The following CTDSPL variants were observed in gnomAD, a reference collection of about 807,000 sequenced individuals.
CTDSPL encodes CTD small phosphatase-like protein.
In CTDSPL, 8 loss-of-function variants were observed where a neutral mutation model predicts 30.5. The observed-to-expected ratio is 0.26, with a 90% CI of 0.15 to 0.47. The LOEUF is 0.47. Ranked by LOEUF, CTDSPL falls within the 20% of genes least tolerant of loss-of-function variation. CTDSPL has a pLI of 0.99. For synonymous variants in CTDSPL, 110 were observed against 137.9 expected, an observed-to-expected ratio of 0.80 and a Z score of 1.42; for missense variants, 248 against 366.1, an observed-to-expected ratio of 0.68 and a Z score of 2.63.
At chr3:37,948,808 C>CTTTTTTTTTTTTTTTTTTTTTTTT (rs71635858) in intron 2 of CTDSPL, among the ~76,000 whole-genome samples, 1 of 108,190 alleles carries the variant, frequency 9.2e-6, no homozygotes, top group African/African-American at 4.1e-5. Flanking sequence ...TTCCAGCTTT[C>CTTTTTTTTTTTTTTTTTTTTTTTT]TTTTTTTTTT....
Position 37,943,640 on chromosome 3 carries a change from A to G in CTDSPL, c.80-3417A>G, listed in dbSNP as rs940780419. On this transcript the variant is annotated intron_variant, in intron 1 of 7. Coordinates refer to ENST00000273179, the MANE Select transcript of CTDSPL (RefSeq NM_001008392.2). Reference sequence around the variant, plus strand: ...TATGGGGAGATGTATGCATTCAACTATCTTTAATATCCTAAAAGACCTTGT... The same window carrying G: ...TATGGGGAGATGTATGCATTCAACTGTCTTTAATATCCTAAAAGACCTTGT... 5.3e-5 allele frequency among the ~76,000 whole-genome samples: 8 copies of G among 150,348 alleles called. No individual in the cohort carries two copies. The East Asian group carries it at 1.6e-3, about 29-fold the overall frequency.
rs183385634 is a variant in CTDSPL, at chr3:37,908,335, G to A, written c.80-38722G>A. ...GGTATGGCAAATGCATGTTAAGCCT[G>A]TAAGAAGAGACTGCATACAGTATTT... On this transcript the variant is annotated intron_variant, in intron 1 of 7. Transcript: ENST00000273179. Among the ~76,000 whole-genome samples, 577 of 152,364 alleles carry A rather than the reference G, an allele frequency of 3.8e-3. 2 individuals are homozygous for A. Among genetic ancestry groups the A allele is most frequent in the African/African-American group, 0.012 (515 of 41,592 alleles).
intron 1 of CTDSPL, among the ~76,000 whole-genome samples, chr3:37,887,671 A>G (rs972772930): frequency 2.6e-5 from 4 of 152,250 alleles, no homozygotes; most frequent in African/African-American, 4.8e-5. Flanking sequence ...TAAGTGTTCA[A>G]TAAGGGCTTG....
chr3:37,911,295 A>T (rs1295969891), intron 1 of CTDSPL, among the ~76,000 whole-genome samples: 3 of 152,246 alleles, frequency 2.0e-5, no homozygotes, highest in Non-Finnish European at 2.9e-5. Flanking sequence ...TTAAGAGGAT[A>T]GTACTCTTCA....
At chr3:37,923,316 C>T (rs1370103657) in intron 1 of CTDSPL, among the ~76,000 whole-genome samples, 2 of 152,100 alleles carry the variant, frequency 1.3e-5, no homozygotes, top group Admixed American at 1.3e-4. Context: ...GAGAGAGGAG[C>T]CTTGAGCTCT....
chr3:37,927,707 A>ATATATATATATAT (rs1559636073), intron 1 of CTDSPL, among the ~76,000 whole-genome samples: 13 of 135,100 alleles, frequency 9.6e-5, no homozygotes, highest in African/African-American at 1.8e-4. Context: ...TATATATATA[A>ATATATATATATAT]AAAATGAAAT....
At position 37,862,928 on chromosome 3, in the gene CTDSPL, C is replaced by T. The variant is rs59344872; in HGVS notation, c.79+650C>T. ...GTGTTGTATACATCTACTGGGAGGG[C>T]GTGTGTGTGTGTAAATTGTATACAA... On this transcript the variant is annotated intron_variant, in intron 1 of 7. Transcript: ENST00000273179. The surrounding 1 kb of genome is among the most constrained non-coding windows in gnomAD (Gnocchi z 4.3). Among the ~76,000 whole-genome samples the T allele has an allele frequency of 8.1e-3, 1,227 of 151,996 alleles. 16 individuals are homozygous for T. Among genetic ancestry groups the T allele is most frequent in the African/African-American group, 0.027 (1,138 of 41,426 alleles).
intron 1 of CTDSPL, among the ~76,000 whole-genome samples, chr3:37,941,581 G>T (rs1698979274): frequency 6.7e-6 from 1 of 149,820 alleles, no homozygotes; most frequent in Admixed American, 6.7e-5. Context: ...GTAGAAACAG[G>T]GTTTCGCCAT....
intron 6 of CTDSPL, among the ~76,000 whole-genome samples, chr3:37,972,673 C>T (rs1699380693): frequency 6.6e-6 from 1 of 152,208 alleles, no homozygotes; most frequent in Admixed American, 6.5e-5. Context: ...GTTTAGTCTC[C>T]CCCTTCACAG....
intron 2 of CTDSPL, among the ~76,000 whole-genome samples, chr3:37,954,265 CT>C (rs1699143462): frequency 6.6e-6 from 1 of 152,184 alleles, no homozygotes; most frequent in African/African-American, 2.4e-5. Context: ...CATGAACTTC[CT>C]TCTATTAACA....
intron 1 of CTDSPL, among the ~76,000 whole-genome samples, chr3:37,941,779 A>G (rs1233842928): frequency 6.7e-6 from 1 of 150,364 alleles, no homozygotes; most frequent in African/African-American, 2.4e-5. Context: ...GGAAAATGGC[A>G]GCATGTTGTA....
chr3:37,890,749 G>T (rs906770391), intron 1 of CTDSPL, among the ~76,000 whole-genome samples: 4 of 152,140 alleles, frequency 2.6e-5, no homozygotes, highest in African/African-American at 2.4e-5. Flanking sequence ...CTCCCTGTCT[G>T]TTGGCAGGTA....
chr3:37,911,627 G>A (rs1331187558), intron 1 of CTDSPL: 1 of 453,668 alleles, frequency 2.2e-6, no homozygotes, highest in East Asian at 7.0e-5. Context: ...TTTTGTTGGA[G>A]AAAAATGTTT....
At chr3:37,947,680 A>G (rs908817964) in intron 2 of CTDSPL, among the ~76,000 whole-genome samples, 1 of 152,262 alleles carries the variant, frequency 6.6e-6, no homozygotes, top group African/African-American at 2.4e-5. Context: ...TTTAGCAACT[A>G]AGGATTATAT....
chr3:37,978,091 T>C (rs1699450237), intron 7 of CTDSPL, among the ~76,000 whole-genome samples: 1 of 152,194 alleles, frequency 6.6e-6, no homozygotes, highest in Non-Finnish European at 1.5e-5. Context: ...TTAGCAGTTG[T>C]TGGTGATCAT....
chr3:37,929,934 C>T (rs530382600), intron 1 of CTDSPL, among the ~76,000 whole-genome samples: 1 of 152,012 alleles, frequency 6.6e-6, no homozygotes, highest in East Asian at 1.9e-4. Context: ...ATGATGAAAC[C>T]CTGTCTCAAC....
At position 37,957,101 on chromosome 3, in the gene CTDSPL, T is replaced by C; in HGVS notation, c.235-10T>C. The C allele has an allele frequency of 1.9e-6, 3 of 1,599,480 alleles. No individual in the cohort carries two copies. The highest frequency in any genetic ancestry group is 2.6e-6 in the Non-Finnish European group (3 of 1,171,964). ...AACCTGACAATGATTTTTTTTTTCT[T>C]TTTCCTCAGGGTGACCAGAGGCAGG... is the stretch of plus-strand genomic sequence containing the variant. On this transcript the variant is annotated splice_polypyrimidine_tract_variant and intron_variant, in intron 2 of 7. Coordinates refer to ENST00000273179, the MANE Select transcript of CTDSPL (RefSeq NM_001008392.2).
intron 4 of CTDSPL, 55 bp from the exon 5 acceptor site, chr3:37,967,771 T>G: frequency 7.4e-7 from 1 of 1,342,660 alleles, no homozygotes; most frequent in Non-Finnish European, 1.0e-6. Context: ...TGCTAAAATT[T>G]CCAGAGTTTT....
intron 5 of CTDSPL, among the ~76,000 whole-genome samples, chr3:37,971,156 AC>A (rs1023693913): frequency 3.9e-5 from 6 of 152,044 alleles, no homozygotes; most frequent in African/African-American, 1.4e-4. Context: ...AGACCCTCAC[AC>A]CATGGTCAGC....
Sources: gnomAD v4.1 joint callset for allele counts (sites outside exome capture counted in the v4.1 genomes callset) on GRCh38, gnomAD v4.1.1 for gene constraint, Gnocchi (gnomAD v3.1) non-coding constraint, MANE v1.5 for transcripts, NCBI Gene and HGNC (gene_info 2026-07-23, HGNC 2026-07-21) for gene names.